Variants in GLIS3 observed in about 807,000 individuals in gnomAD.
GLIS3 encodes the protein zinc finger protein GLIS3.
GLIS3 carries 53 observed loss-of-function variants against 78.6 expected under a neutral mutation model. The observed-to-expected ratio is 0.67, with a 90% CI of 0.54 to 0.85. The LOEUF (loss-of-function observed/expected upper bound fraction) is 0.85. Among genes scored for constraint, GLIS3 ranks in the 40% least tolerant of loss-of-function variants. GLIS3 has a pLI of 0.00. For synonymous variants in GLIS3, 684 were observed against 509.9 expected (o/e 1.34, Z -4.60); for missense variants, 1,703 against 1,231.1 (o/e 1.38, Z -5.74).
chr9:4,279,573 T>A (rs548165970), intron 2 of GLIS3, among the ~76,000 whole-genome samples: 46 of 151,846 alleles, frequency 3.0e-4, no homozygotes, highest in Non-Finnish European at 5.9e-4. Context: ...TGTGAAAACC[T>A]GGGAGGCTGA....
intron 2 of GLIS3, among the ~76,000 whole-genome samples, chr9:4,157,259 A>G (rs145620950): frequency 3.3e-3 from 510 of 152,320 alleles, no homozygotes; most frequent in Non-Finnish European, 6.4e-3. Flanking sequence ...AAAGGTCAAC[A>G]TTAACAGTTT....
At chr9:3,839,531 TTCA>T (rs1818587757) in intron 9 of GLIS3, among the ~76,000 whole-genome samples, 1 of 152,062 alleles carries the variant, frequency 6.6e-6, no homozygotes, top group Non-Finnish European at 1.5e-5. Flanking sequence ...ATAGAAAATC[TTCA>T]TCATTAAAAC....
chr9:4,141,514 A>G (rs975024348), intron 2 of GLIS3, among the ~76,000 whole-genome samples: 2 of 152,204 alleles, frequency 1.3e-5, no homozygotes, highest in East Asian at 3.9e-4. Flanking sequence ...TGCTCTCTAC[A>G]AACACCCTGG....
At position 4,209,057 on chromosome 9, in the gene GLIS3, G is replaced by GAT. The variant is rs544579120; in HGVS notation, c.388+76979_388+76980dup. ...ACTGCTCATGCCAGGTGTATCATAA[G>GAT]ATATATATAAAAGTGTCATTTTAAA... On this transcript the variant is annotated intron_variant, in intron 2 of 10. Coordinates refer to ENST00000381971, the MANE Select transcript of GLIS3 (RefSeq NM_001042413.2). Among the ~76,000 whole-genome samples, 17 of 152,226 alleles carry GAT rather than the reference G, an allele frequency of 1.1e-4. No individual in the cohort carries two copies. The South Asian group carries it at 3.5e-3, about 32-fold the overall frequency.
At chr9:4,473,457 C>CAAAAAAAAAAAAAAAAA in the GLIS3 span, among the ~76,000 whole-genome samples, 3 of 60,608 alleles carry the variant, frequency 4.9e-5, no homozygotes, top group African/African-American at 1.3e-4. Flanking sequence ...ACAACAACAA[C>CAAAAAAAAAAAAAAAAA]AACAAAAAAA....
chr9:4,359,903 A>G, the GLIS3 span, among the ~76,000 whole-genome samples: 10 of 152,250 alleles, frequency 6.6e-5, no homozygotes, highest in Non-Finnish European at 8.8e-5. Context: ...TTAAGTATAT[A>G]ACATATAAAT....
chr9:4,091,172 T>C (rs1040870110), intron 4 of GLIS3, among the ~76,000 whole-genome samples: 1 of 152,006 alleles, frequency 6.6e-6, no homozygotes, highest in African/African-American at 2.4e-5. Flanking sequence ...CTGGTAAACA[T>C]AGTGAGACCC....
intron 4 of GLIS3, among the ~76,000 whole-genome samples, chr9:4,090,788 C>A (rs1218554821): frequency 6.6e-6 from 1 of 152,186 alleles, no homozygotes; most frequent in African/African-American, 2.4e-5. Flanking sequence ...ACAAAACACA[C>A]CCTCTGTCAA....
chr9:4,234,348 G>T (rs1244741541), intron 2 of GLIS3, among the ~76,000 whole-genome samples: 2 of 152,066 alleles, frequency 1.3e-5, no homozygotes, highest in Non-Finnish European at 2.9e-5. Context: ...GCCATTCTAG[G>T]GTTATTAATT....
At chr9:4,289,810 C>G (rs1014796330) in intron 1 of GLIS3, among the ~76,000 whole-genome samples, 1 of 152,076 alleles carries the variant, frequency 6.6e-6, no homozygotes, top group African/African-American at 2.4e-5. Context: ...TATGAGTCAG[C>G]ATGAAAGTTA....
the GLIS3 span, among the ~76,000 whole-genome samples, chr9:4,462,620 CA>C: frequency 7.0e-6 from 1 of 142,412 alleles, no homozygotes; most frequent in East Asian, 2.0e-4. Flanking sequence ...CACACACACA[CA>C]CACACACACA....
At chr9:4,280,966 T>C (rs572332791) in intron 2 of GLIS3, among the ~76,000 whole-genome samples, 20 of 152,304 alleles carry the variant, frequency 1.3e-4, no homozygotes, top group African/African-American at 4.8e-4. Context: ...GCATGCTCAG[T>C]GTTTCAGTAA....
chr9:4,054,242 A>C, intron 4 of GLIS3: 1 of 696,898 alleles, frequency 1.4e-6, no homozygotes, highest in Non-Finnish European at 1.8e-6. Flanking sequence ...GAGGGCAGAG[A>C]TCTCATCCTT....
chr9:4,194,108 A>C (rs1209979255), intron 2 of GLIS3, among the ~76,000 whole-genome samples: 1 of 151,992 alleles, frequency 6.6e-6, no homozygotes, highest in Non-Finnish European at 1.5e-5. Context: ...CCCAGGCTGG[A>C]GTGCAGTGGT....
intron 2 of GLIS3, among the ~76,000 whole-genome samples, chr9:4,341,454 T>C (rs1296567725): frequency 6.6e-6 from 1 of 152,240 alleles, no homozygotes; most frequent in Non-Finnish European, 1.5e-5. Flanking sequence ...ACTTGTCTCA[T>C]TTCACATTCA....
chr9:4,162,789 G>A (rs901682386), intron 2 of GLIS3, among the ~76,000 whole-genome samples: 6 of 149,902 alleles, frequency 4.0e-5, no homozygotes, highest in South Asian at 4.2e-4. Flanking sequence ...CTCTGGAGGC[G>A]GAGCTTGCAG....
At chr9:4,410,508 A>T in the GLIS3 span, among the ~76,000 whole-genome samples, 3 of 152,246 alleles carry the variant, frequency 2.0e-5, no homozygotes, top group Non-Finnish European at 4.4e-5. Context: ...AAAACATTTC[A>T]TAAGAATTTC....
chr9:4,093,278 T>G (rs535241863), intron 4 of GLIS3, among the ~76,000 whole-genome samples: 1 of 151,548 alleles, frequency 6.6e-6, no homozygotes, highest in South Asian at 2.1e-4. Context: ...AAAAAAAAGT[T>G]AATATAATGA....
intron 1 of GLIS3, among the ~76,000 whole-genome samples, chr9:4,288,062 C>T (rs562336547): frequency 3.9e-5 from 6 of 152,274 alleles, no homozygotes; most frequent in African/African-American, 9.6e-5. Context: ...CCCATGAGTA[C>T]GAAGCAGGAG....
Sources: allele counts gnomAD v4.1 joint callset (sites outside exome capture counted in the v4.1 genomes callset), GRCh38; gene constraint gnomAD v4.1.1; transcripts MANE v1.5; gene names NCBI Gene and HGNC (gene_info 2026-07-23, HGNC 2026-07-21).